Variants in NCKAP1 observed in about 807,000 individuals in gnomAD.
NCKAP1 encodes the protein NCK associated protein 1.
A neutral mutation model predicts 151.2 loss-of-function variants in NCKAP1; 21 were observed. That is an observed-to-expected ratio of 0.14 (90% CI 0.10 to 0.20). The LOEUF (loss-of-function observed/expected upper bound fraction) is 0.20, where lower values mean the gene tolerates loss of function less well. Among genes scored for constraint, NCKAP1 ranks in the 10% least tolerant of loss-of-function variants. The pLI, the probability that NCKAP1 is intolerant of heterozygous loss-of-function variation, is 1.00. For synonymous variants in NCKAP1, 484 were observed against 451.8 expected, an observed-to-expected ratio of 1.07 and a Z score of -0.90; for missense variants, 933 against 1,352.1, an observed-to-expected ratio of 0.69 and a Z score of 4.86.
rs1402888572 is a variant in NCKAP1 at position 182,934,818 on chromosome 2, G to A, written c.2793C>T (p.His931=). ...QEALRDVLSY[H]IPFLVSSIED... Reference sequence around the variant, plus strand: ...CAATTGAACTTACAAGAAAAGGAATGTGGTAGGATAAGACCTAGGCAGGAT... The same window carrying A: ...CAATTGAACTTACAAGAAAAGGAATATGGTAGGATAAGACCTAGGCAGGAT... The change falls in exon 26 of 31, where the codon CAC becomes CAT. Residue 931 remains histidine, a synonymous_variant. Coordinates refer to ENST00000361354, the MANE Select transcript of NCKAP1 (RefSeq NM_013436.5). 1 of 1,485,462 alleles carries A rather than the reference G, an allele frequency of 6.7e-7. No individual in the cohort carries two copies. 92.0% of individuals were successfully genotyped at this position (1,485,462 alleles called of 1,614,324 possible).
intron 2 of NCKAP1, among the ~76,000 whole-genome samples, chr2:183,012,876 C>T (rs890915688): frequency 4.6e-5 from 7 of 151,394 alleles, no homozygotes; most frequent in Admixed American, 4.6e-4. Context: ...CCACTCACCT[C>T]AGTCTCCCAA....
At chr2:183,021,552 A>G (rs1476064690) in intron 2 of NCKAP1, among the ~76,000 whole-genome samples, 1 of 152,202 alleles carries the variant, frequency 6.6e-6, no homozygotes, top group South Asian at 2.1e-4. Context: ...TCGGTGTTAC[A>G]GTGAGCTATG....
At chr2:182,944,529 C>T (rs781106007) in intron 23 of NCKAP1, among the ~76,000 whole-genome samples, 10 of 152,106 alleles carry the variant, frequency 6.6e-5, no homozygotes, top group South Asian at 4.1e-4. Context: ...GAAAAAAAGA[C>T]GGTTGCTTTC....
At chr2:183,025,441 A>T (rs958830613) in intron 1 of NCKAP1, among the ~76,000 whole-genome samples, 1 of 152,162 alleles carries the variant, frequency 6.6e-6, no homozygotes, top group Non-Finnish European at 1.5e-5. Flanking sequence ...AACATCACCT[A>T]ACTTCCTACC....
In NCKAP1 at chr2:182,914,268, C is replaced by T. The variant is rs1187563785; in HGVS notation, c.*11434G>A. 1 of 152,148 alleles carries T rather than the reference C, an allele frequency of 6.6e-6. No homozygotes were observed. Among genetic ancestry groups the T allele is most frequent in the African/African-American group, 2.4e-5 (1 of 41,424 alleles). 9.4% of individuals were successfully genotyped at this position (152,148 alleles called of 1,614,324 possible). ...TATTTTAAAAACTATATTCATTGAA[C>T]TGATGTTAGGATATGACATAATATA... On this transcript the variant is annotated 3_prime_UTR_variant, in exon 31 of 31. Transcript: ENST00000361354.
At position 182,913,926 on chromosome 2, in the gene NCKAP1, A is replaced by C. The variant is rs1375078948; in HGVS notation, c.*11776T>G. ...CATACTCCATGAAACTTTCTGCTTA[A>C]GTAGCCCCCACAACCCTCAGCCTCT... On this transcript the variant is annotated 3_prime_UTR_variant, in exon 31 of 31. Coordinates refer to ENST00000361354, the MANE Select transcript of NCKAP1 (RefSeq NM_013436.5). The C allele has an allele frequency of 6.6e-6, 1 of 152,312 alleles. No individual in the cohort carries two copies. Among genetic ancestry groups the C allele is most frequent in the African/African-American group, 2.4e-5 (1 of 41,450 alleles). The allele number at this position is 152,312 out of a possible 1,614,324, so 9.4% of individuals were successfully genotyped here.
chr2:182,922,582 T>C lies in NCKAP1; in HGVS notation c.*3120A>G, dbSNP rs1696569578. 1 of 152,312 alleles carries C rather than the reference T, an allele frequency of 6.6e-6. No homozygotes were observed. The highest frequency in any genetic ancestry group is 2.4e-5 in the African/African-American group (1 of 41,468). The allele number at this position is 152,312 out of a possible 1,614,324, so 9.4% of individuals were successfully genotyped here. A position where few individuals can be genotyped will look rare whatever the true frequency, so the allele number is the denominator to read the frequency against. The stretch of plus-strand genomic sequence containing the variant: ...ATTATTCCTCCCCTCAGCCCACTTG[T>C]GGTTCCTTCTAATCCTTCACGTACC... On this transcript the variant is annotated 3_prime_UTR_variant, in exon 31 of 31. Transcript: ENST00000361354.
chr2:182,999,757 C>T (rs114447446), intron 6 of NCKAP1, among the ~76,000 whole-genome samples: 4,045 of 152,256 alleles, frequency 0.027, 80 homozygotes, highest in Non-Finnish European at 0.04. Context: ...AACCCAGGTG[C>T]CCATCAACAC....
At chr2:182,991,458 GT>G (rs1438250943) in intron 8 of NCKAP1, among the ~76,000 whole-genome samples, 1 of 152,032 alleles carries the variant, frequency 6.6e-6, no homozygotes, top group African/African-American at 2.4e-5. Flanking sequence ...ATATGGGAGG[GT>G]GAGGCAGGAG....
chr2:182,999,312 C>G (rs1317264945), intron 6 of NCKAP1, among the ~76,000 whole-genome samples: 1 of 151,916 alleles, frequency 6.6e-6, no homozygotes, highest in African/African-American at 2.4e-5. Flanking sequence ...ATCAAACCAC[C>G]CCACTAAAAT....
intron 23 of NCKAP1, among the ~76,000 whole-genome samples, chr2:182,944,579 C>A (rs966539751): frequency 6.6e-6 from 1 of 152,116 alleles, no homozygotes; most frequent in African/African-American, 2.4e-5. Context: ...CATAAGTACA[C>A]GTACATAGTG....
chr2:182,969,510 C>A (rs1697643041), intron 15 of NCKAP1, among the ~76,000 whole-genome samples: 1 of 151,538 alleles, frequency 6.6e-6, no homozygotes, highest in Admixed American at 6.6e-5. Flanking sequence ...AATAATGTAC[C>A]TTTAACTTCG....
At chr2:182,986,265 G>T (rs1698054583) in intron 9 of NCKAP1, 38 bp from the exon 10 acceptor site, 1 of 1,504,882 alleles carries the variant, frequency 6.6e-7, no homozygotes, top group South Asian at 1.1e-5. Flanking sequence ...AGTTTAATTT[G>T]ATCAATAACT....
intron 29 of NCKAP1, 66 bp from the exon 30 acceptor site, chr2:182,926,971 G>T: frequency 1.8e-6 from 2 of 1,104,896 alleles, no homozygotes; most frequent in Non-Finnish European, 1.3e-6. Flanking sequence ...CTTATTTTAG[G>T]TATGTTTCAA....
At chr2:182,994,014 C>T (rs1301833609) in intron 8 of NCKAP1, among the ~76,000 whole-genome samples, 1 of 151,976 alleles carries the variant, frequency 6.6e-6, no homozygotes, top group African/African-American at 2.4e-5. Context: ...CGAAGGAAAA[C>T]AAACAAACAA....
intron 24 of NCKAP1, among the ~76,000 whole-genome samples, chr2:182,940,882 T>C (rs1006159495): frequency 1.8e-4 from 28 of 152,364 alleles, no homozygotes; most frequent in Admixed American, 1.6e-3. Context: ...TTTCCCTTTA[T>C]AGTCCTGGCA....
intron 24 of NCKAP1, among the ~76,000 whole-genome samples, chr2:182,941,354 A>G (rs913127699): frequency 6.6e-6 from 1 of 152,226 alleles, no homozygotes; most frequent in Admixed American, 6.5e-5. Flanking sequence ...TCAAGAAGAC[A>G]TTACAATTTT....
chr2:182,953,072 C>A, intron 21 of NCKAP1, 41 bp downstream of exon 21: 3 of 1,545,694 alleles, frequency 1.9e-6, no homozygotes, highest in Non-Finnish European at 2.6e-6. Context: ...TACTTCATTA[C>A]AAATTTTCCG....
Position 182,921,360 on chromosome 2 carries a change from C to T in NCKAP1, c.*4342G>A, listed in dbSNP as rs1696547597. 6.6e-6 allele frequency: 1 copy of T among 152,058 alleles called. No homozygotes were observed. The highest frequency in any genetic ancestry group is 2.4e-5 in the African/African-American group (1 of 41,396). The allele number at this position is 152,058 out of a possible 1,614,324, so 9.4% of individuals were successfully genotyped here. ...TAGGTCTTGGTGAAATAATTTCAAG[C>T]CTTAGCCATTGGCATTTGGTCAGTA... On this transcript the variant is annotated 3_prime_UTR_variant, in exon 31 of 31. Coordinates refer to ENST00000361354, the MANE Select transcript of NCKAP1 (RefSeq NM_013436.5).
Sources: gnomAD v4.1 joint callset for allele counts (sites outside exome capture counted in the v4.1 genomes callset) on GRCh38, gnomAD v4.1.1 for gene constraint, MANE v1.5 for transcripts, NCBI Gene and HGNC (gene_info 2026-07-23, HGNC 2026-07-21) for gene names.